CDC42BPA: variants seen among roughly 807,000 people sequenced by gnomAD.
CDC42BPA encodes the protein serine/threonine-protein kinase MRCK alpha.
Under a neutral mutation model 223.5 loss-of-function variants are expected in CDC42BPA, and 80 were observed. The ratio of observed to expected loss-of-function variants is 0.36; its 90% CI spans 0.30 to 0.43. The LOEUF (loss-of-function observed/expected upper bound fraction) is 0.43, where lower values mean the gene tolerates loss of function less well. CDC42BPA is among the 20% of genes least tolerant of loss of function. CDC42BPA has a pLI of 1.00. For missense variants in CDC42BPA, 1,743 were observed against 2,099.9 expected, an observed-to-expected ratio of 0.83 and a Z score of 3.32; for synonymous variants, 694 against 718.6, an observed-to-expected ratio of 0.97 and a Z score of 0.55.
chr1:227,022,717 A>G (rs1667613801), intron 32 of CDC42BPA, among the ~76,000 whole-genome samples: 1 of 152,092 alleles, frequency 6.6e-6, no homozygotes, highest in South Asian at 2.1e-4. Context: ...TGACCTCAAT[A>G]TTTTGGTCAC....
chr1:227,284,393 T>A (rs1307083729), intron 1 of CDC42BPA, among the ~76,000 whole-genome samples: 1 of 152,218 alleles, frequency 6.6e-6, no homozygotes, highest in Non-Finnish European at 1.5e-5. Context: ...TCTCAAAGAT[T>A]ATGTTATAAA....
chr1:227,301,670 T>C (rs1012944455), intron 1 of CDC42BPA, among the ~76,000 whole-genome samples: 1 of 152,208 alleles, frequency 6.6e-6, no homozygotes, highest in South Asian at 2.1e-4. Flanking sequence ...ATTTAGACTT[T>C]TTAATTCTGT....
In CDC42BPA at chr1:227,199,249, A is replaced by G. The variant is rs1671306262; in HGVS notation, c.450+308T>C. ...TGGACTTCAACAGGAACAAGGGAAG[A>G]GGAATGGTACTGGTGTTAAAGGTAT... On this transcript the variant is annotated intron_variant, in intron 4 of 36. Coordinates refer to ENST00000366766, the MANE Select transcript of CDC42BPA (RefSeq NM_001394014.1). 2.6e-5 allele frequency among the ~76,000 whole-genome samples: 4 copies of G among 152,358 alleles called. No individual in the cohort carries two copies. The South Asian group carries it at 8.3e-4, about 32-fold the overall frequency.
At chr1:227,108,317 C>T (rs549257929) in intron 14 of CDC42BPA, among the ~76,000 whole-genome samples, 12 of 152,088 alleles carry the variant, frequency 7.9e-5, no homozygotes, top group African/African-American at 2.2e-4. Context: ...TTTTCATTCA[C>T]GTATTTTCTA....
At chr1:227,254,331 A>G (rs1041786568) in intron 1 of CDC42BPA, among the ~76,000 whole-genome samples, 176 bp from the exon 2 acceptor site, 2 of 152,206 alleles carry the variant, frequency 1.3e-5, no homozygotes, top group African/African-American at 2.4e-5. Context: ...TAAGAAAACA[A>G]TATATTTTCT....
chr1:226,998,989 G>T (rs1662218935), intron 35 of CDC42BPA, among the ~76,000 whole-genome samples: 1 of 152,020 alleles, frequency 6.6e-6, no homozygotes, highest in Admixed American at 6.5e-5. Context: ...TGAAGAATAT[G>T]AACAGACACT....
rs1335172184 is a variant in CDC42BPA at position 226,992,660 on chromosome 1, A to G, written c.*1608T>C. On this transcript the variant is annotated 3_prime_UTR_variant, in exon 37 of 37. Transcript: ENST00000366766. ...TTCATTTTCACTGAATTTTAAAGAG[A>G]GAATCCTGTCTCTATTTCTCAGAGA... 1 of 152,270 alleles carries G rather than the reference A, an allele frequency of 6.6e-6. No homozygotes were observed. The highest frequency in any genetic ancestry group is 1.5e-5 in the Non-Finnish European group (1 of 68,048). The allele number at this position is 152,270 out of a possible 1,614,324, so 9.4% of individuals were successfully genotyped here.
intron 4 of CDC42BPA, among the ~76,000 whole-genome samples, chr1:227,199,313 A>G (rs1350496975): frequency 6.6e-6 from 1 of 152,196 alleles, no homozygotes; most frequent in African/African-American, 2.4e-5. Flanking sequence ...GAACTTAACC[A>G]ATGGAAATTA....
At chr1:227,090,862 G>T (rs1464194689) in intron 16 of CDC42BPA, among the ~76,000 whole-genome samples, 2 of 152,148 alleles carry the variant, frequency 1.3e-5, no homozygotes, top group Admixed American at 1.3e-4. Flanking sequence ...ACAACTGCTT[G>T]CTAGGAATTA....
intron 2 of CDC42BPA, among the ~76,000 whole-genome samples, chr1:227,217,863 T>C (rs1386669387): frequency 3.3e-5 from 5 of 152,224 alleles, no homozygotes; most frequent in Admixed American, 3.3e-4. Context: ...AATGTCACTT[T>C]ACCCCTTGAC....
At chr1:226,996,219 G>A (rs1661573749) in intron 35 of CDC42BPA, among the ~76,000 whole-genome samples, 1 of 152,210 alleles carries the variant, frequency 6.6e-6, no homozygotes, top group South Asian at 2.1e-4. Context: ...GCGTATGATG[G>A]AGCTTGACAA....
intron 18 of CDC42BPA, 23 bp downstream of exon 18, chr1:227,074,236 C>A: frequency 6.6e-7 from 1 of 1,514,914 alleles, no homozygotes; most frequent in Non-Finnish European, 9.1e-7. Context: ...GATAAGCCTC[C>A]ATGCAAAATC....
intron 1 of CDC42BPA, among the ~76,000 whole-genome samples, chr1:227,262,877 A>G (rs760018374): frequency 5.3e-5 from 8 of 152,344 alleles, no homozygotes; most frequent in East Asian, 1.9e-4. Flanking sequence ...TAAACTTGCA[A>G]CTTTAATCAC....
chr1:227,203,330 G>A (rs1672113299), intron 3 of CDC42BPA, among the ~76,000 whole-genome samples: 1 of 152,092 alleles, frequency 6.6e-6, no homozygotes, highest in Admixed American at 6.6e-5. Flanking sequence ...GGCATTTAGT[G>A]GGTAGAGGCC....
chr1:227,174,072 T>G (rs923089405), intron 5 of CDC42BPA, among the ~76,000 whole-genome samples: 48 of 152,180 alleles, frequency 3.2e-4, no homozygotes, highest in African/African-American at 1.2e-3. Context: ...TACTCTAGTG[T>G]AACAGTTTTT....
intron 5 of CDC42BPA, among the ~76,000 whole-genome samples, chr1:227,164,311 T>C (rs1488362480): frequency 6.6e-6 from 1 of 152,204 alleles, no homozygotes. Context: ...ATAATACATA[T>C]TGAAATTTTT....
intron 34 of CDC42BPA, among the ~76,000 whole-genome samples, chr1:227,005,368 G>A (rs996035152): frequency 5.3e-5 from 8 of 151,976 alleles, no homozygotes; most frequent in Admixed American, 3.9e-4. Flanking sequence ...GCATTTTTTT[G>A]TTTGTAAACA....
At chr1:227,288,459 G>A (rs1270721925) in intron 1 of CDC42BPA, among the ~76,000 whole-genome samples, 4 of 151,912 alleles carry the variant, frequency 2.6e-5, no homozygotes, top group African/African-American at 9.7e-5. Context: ...AGAACTTTGG[G>A]AGGCCAAGGC....
intron 1 of CDC42BPA, among the ~76,000 whole-genome samples, chr1:227,295,752 G>C (rs536184394): frequency 6.6e-6 from 1 of 152,328 alleles, no homozygotes; most frequent in South Asian, 2.1e-4. Flanking sequence ...TTGGAGTATG[G>C]CCCTCATGCC....
Sources: allele counts gnomAD v4.1 joint callset (sites outside exome capture counted in the v4.1 genomes callset), GRCh38; gene constraint gnomAD v4.1.1; transcripts MANE v1.5; gene names NCBI Gene and HGNC (gene_info 2026-07-23, HGNC 2026-07-21).